The following ITIH5 variants were observed in gnomAD, a reference collection of about 807,000 sequenced individuals.
ITIH5 encodes inter-alpha-trypsin inhibitor heavy chain 5, also known as inter-alpha-trypsin inhibitor heavy chain H5.
A neutral mutation model predicts 77.5 loss-of-function variants in ITIH5; 65 were observed. The observed-to-expected ratio is 0.84, with a 90% CI of 0.69 to 1.03. The LOEUF (loss-of-function observed/expected upper bound fraction) is 1.03. Among genes scored for constraint, ITIH5 ranks in the 50% least tolerant of loss-of-function variants. The pLI is 0.00. For synonymous variants in ITIH5, 525 were observed against 494.3 expected (o/e 1.06, Z -0.82); for missense variants, 1,208 against 1,213.1 (o/e 1.00, Z 0.06).
chr10:7,595,462 A>C (rs1301861707), intron 7 of ITIH5, among the ~76,000 whole-genome samples: 3 of 152,204 alleles, frequency 2.0e-5, no homozygotes, highest in Admixed American at 2.0e-4. Context: ...TCTGTTTAAT[A>C]CTATTTTATG....
Position 7,641,915 on chromosome 10 carries a change from C to A in ITIH5, c.299+12G>T, listed in dbSNP as rs776961233. On this transcript the variant is annotated intron_variant, in intron 3 of 13. Transcript: ENST00000397146. ...GGCAGAAATCTTCATCCCTGACCAG[C>A]GTGTCACCTACATAGTGAAGTTGGT... 6.2e-7 allele frequency: 1 copy of A among 1,613,018 alleles called. No individual in the cohort carries two copies. The highest frequency in any genetic ancestry group is 1.3e-5 in the African/African-American group (1 of 74,890).
chr10:7,627,671 C>T (rs1461332360), intron 5 of ITIH5, among the ~76,000 whole-genome samples: 1 of 152,008 alleles, frequency 6.6e-6, no homozygotes, highest in South Asian at 2.1e-4. Context: ...TTTTATTTGC[C>T]TTCCCACACA....
intron 5 of ITIH5, among the ~76,000 whole-genome samples, chr10:7,624,900 C>CAT (rs1833550295): frequency 3.8e-5 from 1 of 26,186 alleles, no homozygotes; most frequent in African/African-American, 2.2e-4. Flanking sequence ...TATATATATA[C>CAT]ATACATATAT....
In ITIH5 at chr10:7,576,788, C is replaced by G; in HGVS notation, c.1643G>C (p.Arg548Pro). 1 of 1,614,170 alleles carries G rather than the reference C, an allele frequency of 6.2e-7. No individual in the cohort carries two copies. Among genetic ancestry groups the G allele is most frequent in the Non-Finnish European group, 8.5e-7 (1 of 1,180,020 alleles). Reference protein sequence around the residue: ...FIILKTDVPVRPQKAGKDVTG... With the variant: ...FIILKTDVPVPPQKAGKDVTG... Reference sequence around the variant, plus strand: ...GACATCTTTCCCTGCCTTCTGAGGCCGCACAGGCACATCTGTCTTCAGGAT... The same window carrying G: ...GACATCTTTCCCTGCCTTCTGAGGCGGCACAGGCACATCTGTCTTCAGGAT... Residue 548 changes from arginine (R) to proline (P), a missense_variant, in exon 10 of 14, where the codon CGG (arginine) becomes CCG (proline). Transcript: ENST00000397146.
chr10:7,654,968 T>A lies in ITIH5; in HGVS notation c.135+663A>T, dbSNP rs564629568. On this transcript the variant is annotated intron_variant, in intron 2 of 13. Coordinates refer to ENST00000397146, the MANE Select transcript of ITIH5 (RefSeq NM_030569.7). ...TGAGAAAACCAAGCAAAAAAAAAAT[T>A]TTTTTTAATTCAAAATCTCAATCCA... Among the ~76,000 whole-genome samples the A allele has an allele frequency of 4.5e-4, 25 of 56,004 alleles. No individual in the cohort carries two copies. The East Asian group carries it at 8.6e-3, about 19-fold the overall frequency. The allele number at this position is 56,004 out of a possible 152,430, so 36.7% of individuals were successfully genotyped here. A position where few individuals can be genotyped will look rare whatever the true frequency, so the allele number is the denominator to read the frequency against.
intron 4 of ITIH5, among the ~76,000 whole-genome samples, chr10:7,640,165 A>C (rs1472675531): frequency 6.6e-6 from 1 of 150,490 alleles, no homozygotes; most frequent in East Asian, 1.9e-4. Context: ...AAAAAAAAAA[A>C]AAAAAACTAC....
intron 2 of ITIH5, among the ~76,000 whole-genome samples, chr10:7,643,338 A>C (rs1356983366): frequency 6.6e-6 from 1 of 152,230 alleles, no homozygotes. Context: ...ACATTACCCC[A>C]TGACAGTCTT....
intron 5 of ITIH5, among the ~76,000 whole-genome samples, chr10:7,631,077 G>C (rs113607636): frequency 6.6e-6 from 1 of 151,884 alleles, no homozygotes; most frequent in Non-Finnish European, 1.5e-5. Flanking sequence ...AAAGTGGCGG[G>C]AACTACAGCG....
chr10:7,571,326 C>G (rs926661090), intron 11 of ITIH5: 1 of 152,170 alleles, frequency 6.6e-6, no homozygotes, highest in South Asian at 2.1e-4. Flanking sequence ...CTAAAATCCA[C>G]GCGTCCTCAA....
chr10:7,666,351 C>T (rs1411600498), intron 1 of ITIH5, among the ~76,000 whole-genome samples: 2 of 152,166 alleles, frequency 1.3e-5, no homozygotes, highest in East Asian at 3.9e-4. Context: ...GTCGTGTTCT[C>T]CCGGTTTTCA....
Position 7,562,983 on chromosome 10 carries a change from T to A in ITIH5, c.*100A>T. 1 of 842,528 alleles carries A rather than the reference T, an allele frequency of 1.2e-6. No homozygotes were observed. Among genetic ancestry groups the A allele is most frequent in the Non-Finnish European group, 1.8e-6 (1 of 551,766 alleles). 52.2% of individuals were successfully genotyped at this position (842,528 alleles called of 1,614,324 possible). A position where few individuals can be genotyped will look rare whatever the true frequency, so the allele number is the denominator to read the frequency against. ...GGGGTGGGTCATGGAGTCCAGCTAA[T>A]TGCCAGGAGCTGAGGCGTGTACAAG... is the stretch of plus-strand genomic sequence containing the variant. On this transcript the variant is annotated 3_prime_UTR_variant, in exon 14 of 14. Transcript: ENST00000397146.
chr10:7,628,051 G>A (rs2131056151), intron 5 of ITIH5, among the ~76,000 whole-genome samples: 1 of 152,008 alleles, frequency 6.6e-6, no homozygotes, highest in Non-Finnish European at 1.5e-5. Flanking sequence ...ATGTTGGCCA[G>A]GCCAGTCTCA....
At chr10:7,635,430 T>C (rs899455997) in intron 5 of ITIH5, among the ~76,000 whole-genome samples, 1 of 152,222 alleles carries the variant, frequency 6.6e-6, no homozygotes, top group Non-Finnish European at 1.5e-5. Context: ...CTAAAATCCA[T>C]TAACCATACA....
At chr10:7,613,195 G>A (rs920412211) in intron 7 of ITIH5, among the ~76,000 whole-genome samples, 21 of 150,064 alleles carry the variant, frequency 1.4e-4, no homozygotes, top group African/African-American at 4.5e-4. Flanking sequence ...GCAGTGAGCC[G>A]AGATCATGCC....
intron 2 of ITIH5, among the ~76,000 whole-genome samples, chr10:7,643,102 T>C (rs1308333633): frequency 6.6e-6 from 1 of 151,992 alleles, no homozygotes; most frequent in Non-Finnish European, 1.5e-5. Context: ...ATAAGAGAGC[T>C]CTCTATCTCT....
At chr10:7,654,974 T>A (rs11255266) in intron 2 of ITIH5, among the ~76,000 whole-genome samples, 106,324 of 151,810 alleles carry the variant, frequency 0.7, 37,903 homozygotes, top group African/African-American at 0.84. Context: ...AAATTTTTTT[T>A]AATTCAAAAT....
rs1376406630 is a variant in ITIH5, at chr10:7,644,751, A to ATATATAT, written c.136-2662_136-2661insATATATA. Among the ~76,000 whole-genome samples, 87 of 121,968 alleles carry ATATATAT rather than the reference A, an allele frequency of 7.1e-4. 8 individuals are homozygous for ATATATAT. The highest frequency in any genetic ancestry group is 1.7e-3 in the South Asian group (7 of 4,056). The allele number at this position is 121,968 out of a possible 152,430, so 80.0% of individuals were successfully genotyped here. A position where few individuals can be genotyped will look rare whatever the true frequency, so the allele number is the denominator to read the frequency against. On this transcript the variant is annotated intron_variant, in intron 2 of 13. Transcript: ENST00000397146. ...CACATATCTATATCACATATATATC[A>ATATATAT]CATATATCACATATATATCATATAT...
At chr10:7,628,991 A>G in intron 5 of ITIH5, among the ~76,000 whole-genome samples, 1 of 107,810 alleles carries the variant, frequency 9.3e-6, no homozygotes, top group Non-Finnish European at 2.0e-5. Flanking sequence ...GTGTTGTGGC[A>G]TGCATCCATG....
At chr10:7,579,724 CCT>C (rs1832500701) in intron 9 of ITIH5, 29 bp downstream of exon 9, 1 of 1,601,326 alleles carries the variant, frequency 6.2e-7, no homozygotes, top group South Asian at 1.1e-5. Context: ...CCTCAAACAG[CCT>C]CTCATGCCTA....
Sources: gnomAD v4.1 joint callset for allele counts (sites outside exome capture counted in the v4.1 genomes callset) on GRCh38, gnomAD v4.1.1 for gene constraint, MANE v1.5 for transcripts, NCBI Gene and HGNC (gene_info 2026-07-23, HGNC 2026-07-21) for gene names.